CMKLR2: variants seen among roughly 807,000 people sequenced by gnomAD.
CMKLR2 encodes the protein chemerin-like receptor 2.
A neutral mutation model predicts 23.0 loss-of-function variants in CMKLR2; 18 were observed. The ratio of observed to expected loss-of-function variants is 0.78; its 90% CI spans 0.54 to 1.16. The LOEUF is 1.16. CMKLR2 is among the 50% of genes most tolerant of loss of function. The pLI is 0.00. For synonymous variants in CMKLR2, 158 were observed against 158.9 expected (o/e 0.99, Z 0.05); for missense variants, 401 against 412.7 (o/e 0.97, Z 0.25).
chr2:206,187,537 G>A (rs915169210), intron 1 of CMKLR2, among the ~76,000 whole-genome samples: 5 of 152,092 alleles, frequency 3.3e-5, no homozygotes, highest in African/African-American at 7.2e-5. Flanking sequence ...CATTTCTGCC[G>A]ACTTAAATTT....
At chr2:206,188,079 G>A (rs1291145315) in intron 1 of CMKLR2, among the ~76,000 whole-genome samples, 6 of 152,072 alleles carry the variant, frequency 3.9e-5, no homozygotes, top group Admixed American at 1.3e-4. Flanking sequence ...GATTACAGGC[G>A]TGTGCCACCA....
At chr2:206,177,951 C>T (rs937853611) in intron 1 of CMKLR2, among the ~76,000 whole-genome samples, 2 of 152,056 alleles carry the variant, frequency 1.3e-5, no homozygotes, top group African/African-American at 4.8e-5. Flanking sequence ...CAAAAGAAAA[C>T]GGATTAATAC....
chr2:206,186,603 G>C (rs887140168), intron 1 of CMKLR2, among the ~76,000 whole-genome samples: 8 of 152,092 alleles, frequency 5.3e-5, no homozygotes, highest in African/African-American at 1.9e-4. Flanking sequence ...GGAGGGAGAG[G>C]GGAGCTTCCC....
At chr2:206,195,149 T>G (rs759545894) in intron 1 of CMKLR2, among the ~76,000 whole-genome samples, 10 of 152,114 alleles carry the variant, frequency 6.6e-5, no homozygotes, top group Non-Finnish European at 1.5e-4. Flanking sequence ...TTGGAACAGT[T>G]TGTTGAGTTC....
In CMKLR2 at chr2:206,176,427, T is replaced by C. The variant is rs746257146; in HGVS notation, c.821A>G (p.His274Arg). ...LFSIWELTIH[H>R]NSYSHHVMQA... ...CATCACATGGTGGGAATAGCTATTG[T>C]GGTGAATGGTGAGCTCCCAAATGCT... Residue 274 changes from histidine (H) to arginine (R), a missense_variant, in exon 2 of 2, where the codon CAC becomes CGC. Transcript: ENST00000621141. 1.9e-6 allele frequency: 3 copies of C among 1,614,208 alleles called. No individual in the cohort carries two copies. Among genetic ancestry groups the C allele is most frequent in the Non-Finnish European group, 1.7e-6 (2 of 1,180,034 alleles).
Position 206,175,337 on chromosome 2 carries a change from C to CT in CMKLR2, c.*842dup, listed in dbSNP as rs1688171910. ...GATGTTTTAAGATAACCAACAATTA[C>CT]TTTAATTCATAAATGTATATACATA... On this transcript the variant is annotated 3_prime_UTR_variant, in exon 2 of 2. Coordinates refer to ENST00000621141, the MANE Select transcript of CMKLR2 (RefSeq NM_001389445.1). 1 of 152,082 alleles carries CT rather than the reference C, an allele frequency of 6.6e-6. No individual in the cohort carries two copies. Among genetic ancestry groups the CT allele is most frequent in the African/African-American group, 2.4e-5 (1 of 41,398 alleles). The allele number at this position is 152,082 out of a possible 1,614,324, so 9.4% of individuals were successfully genotyped here.
rs904518205 is a variant in CMKLR2, at chr2:206,177,078, G to A, written c.170C>T (p.Ala57Val). 4 of 1,614,060 alleles carry A rather than the reference G, an allele frequency of 2.5e-6. No individual in the cohort carries two copies. In the African/African-American group the frequency reaches 5.3e-5, roughly 22 times the overall value. Residue 57 changes from alanine to valine, a missense_variant, in exon 2 of 2, where the codon GCC becomes GTC. Coordinates refer to ENST00000621141, the MANE Select transcript of CMKLR2 (RefSeq NM_001389445.1). Reference protein sequence around the residue: ...LAFVLGIPGNAIVIWFTGFKW... With the variant: ...LAFVLGIPGNVIVIWFTGFKW... ...GAACCCCGTGAACCAAATGACGATG[G>A]CATTTCCTGGAATTCCCAGAACAAA...
chr2:206,212,225 A>G (rs371631348), intron 1 of CMKLR2, among the ~76,000 whole-genome samples: 114 of 152,360 alleles, frequency 7.5e-4, no homozygotes, highest in African/African-American at 2.5e-3. Context: ...CAAGTAACAG[A>G]AAATGTATGA....
intron 1 of CMKLR2, among the ~76,000 whole-genome samples, chr2:206,208,829 C>T (rs891991076): frequency 6.6e-6 from 1 of 151,942 alleles, no homozygotes; most frequent in African/African-American, 2.4e-5. Context: ...CACTACCATG[C>T]CTGGCTAATT....
In CMKLR2 at chr2:206,199,195, G is replaced by A. The variant is rs560103501; in HGVS notation, c.-29+14112C>T. Among the ~76,000 whole-genome samples, 16 of 152,240 alleles carry A rather than the reference G, an allele frequency of 1.1e-4. No individual in the cohort carries two copies. In the East Asian group the frequency reaches 3.1e-3, roughly 29 times the overall value. On this transcript the variant is annotated intron_variant, in intron 1 of 1. Coordinates refer to ENST00000621141, the MANE Select transcript of CMKLR2 (RefSeq NM_001389445.1). Reference sequence around the variant, plus strand: ...GCAGATTACTTGAGACCAGGAGTTCGAGACCAGCCTGGCCAACATGGTGAA... The same window carrying A: ...GCAGATTACTTGAGACCAGGAGTTCAAGACCAGCCTGGCCAACATGGTGAA...
intron 1 of CMKLR2, among the ~76,000 whole-genome samples, chr2:206,197,163 C>T (rs1298791125): frequency 6.6e-6 from 1 of 152,190 alleles, no homozygotes; most frequent in Non-Finnish European, 1.5e-5. Flanking sequence ...CTGCGTCGGC[C>T]TCCCAAAGTG....
chr2:206,191,501 A>G (rs1463776373), intron 1 of CMKLR2, among the ~76,000 whole-genome samples: 1 of 152,108 alleles, frequency 6.6e-6, no homozygotes, highest in Non-Finnish European at 1.5e-5. Context: ...TAAAAAAAAT[A>G]CTGAATCTGC....
At position 206,176,421 on chromosome 2, in the gene CMKLR2, C is replaced by G. The variant is rs1415934127; in HGVS notation, c.827G>C (p.Ser276Thr). Residue 276 changes from serine to threonine, a missense_variant, in exon 2 of 2, where the codon AGC becomes ACC. By Grantham distance (58) the Ser-to-Thr change is moderately conservative (BLOSUM62 1). Coordinates refer to ENST00000621141, the MANE Select transcript of CMKLR2 (RefSeq NM_001389445.1). ...AGCCTGCATCACATGGTGGGAATAG[C>G]TATTGTGGTGAATGGTGAGCTCCCA... ...SIWELTIHHN[S>T]YSHHVMQAGI... 1 of 1,614,044 alleles carries G rather than the reference C, an allele frequency of 6.2e-7. No homozygotes were observed. The highest frequency in any genetic ancestry group is 8.5e-7 in the Non-Finnish European group (1 of 1,180,042).
intron 1 of CMKLR2, among the ~76,000 whole-genome samples, chr2:206,181,880 G>A (rs899126772): frequency 6.7e-6 from 1 of 148,820 alleles, no homozygotes; most frequent in African/African-American, 2.5e-5. Context: ...TGAACTGGGA[G>A]GTGGAGGTTT....
At chr2:206,201,562 G>C (rs755941038) in intron 1 of CMKLR2, among the ~76,000 whole-genome samples, 3 of 151,956 alleles carry the variant, frequency 2.0e-5, no homozygotes, top group African/African-American at 7.3e-5. Flanking sequence ...TGAAGACCTG[G>C]TCTGTGATTT....
intron 1 of CMKLR2, chr2:206,203,978 T>C (rs942447705): frequency 2.0e-5 from 3 of 152,228 alleles, no homozygotes; most frequent in Non-Finnish European, 4.4e-5. Context: ...TAAACTGTTC[T>C]AGGTTTATTG....
At chr2:206,184,937 G>A (rs1688534298) in intron 1 of CMKLR2, among the ~76,000 whole-genome samples, 1 of 152,110 alleles carries the variant, frequency 6.6e-6, no homozygotes, top group Non-Finnish European at 1.5e-5. Flanking sequence ...ACTACAGAAA[G>A]ATGAAAAAAT....
intron 1 of CMKLR2, among the ~76,000 whole-genome samples, chr2:206,189,152 CAGTTTAGGCTCTA>C (rs1688672834): frequency 6.6e-6 from 1 of 152,140 alleles, no homozygotes; most frequent in Non-Finnish European, 1.5e-5. Flanking sequence ...AATCTTAAGG[CAGTTTAGGCTCTA>C]AGCTGATTTG....
chr2:206,202,458 T>A (rs1234740401), intron 1 of CMKLR2, among the ~76,000 whole-genome samples: 3 of 152,204 alleles, frequency 2.0e-5, no homozygotes, highest in Non-Finnish European at 2.9e-5. Flanking sequence ...GTTTTGTGTG[T>A]GTTTTTTCCC....
Sources: allele counts gnomAD v4.1 joint callset (sites outside exome capture counted in the v4.1 genomes callset), GRCh38; gene constraint gnomAD v4.1.1; transcripts MANE v1.5; gene names NCBI Gene and HGNC (gene_info 2026-07-23, HGNC 2026-07-21).